Variants in DOP1A observed in about 807,000 individuals in gnomAD.
DOP1A encodes the protein protein DOP1A.
Under a neutral mutation model 267.6 loss-of-function variants are expected in DOP1A, and 90 were observed. That is an observed-to-expected ratio of 0.34 (90% CI 0.28 to 0.40). The LOEUF is 0.40. DOP1A is among the 10% of genes least tolerant of loss of function. The pLI is 1.00. For synonymous variants in DOP1A, 932 were observed against 999.1 expected, an observed-to-expected ratio of 0.93 and a Z score of 1.27; for missense variants, 2,437 against 2,900.4, an observed-to-expected ratio of 0.84 and a Z score of 3.67.
At chr6:83,091,130 C>T (rs1282857222) in intron 1 of DOP1A, among the ~76,000 whole-genome samples, 2 of 150,890 alleles carry the variant, frequency 1.3e-5, no homozygotes, top group East Asian at 3.9e-4. Context: ...AAAGCTTGTA[C>T]AGGAAAACTC....
chr6:83,132,248 T>C lies in DOP1A; in HGVS notation c.2689T>C (p.Phe897Leu). The change falls in exon 18 of 39, where the codon TTT becomes CTT. Residue 897 changes from phenylalanine (F) to leucine (L), a missense_variant. Coordinates refer to ENST00000349129, the MANE Select transcript of DOP1A (RefSeq NM_015018.4). Reference protein sequence around the residue: ...PQHHQKSVELFYQLHNLVPSS... With the variant: ...PQHHQKSVELLYQLHNLVPSS... ...GCATCACCAGAAGAGTGTGGAACTATTTTATCAATTACATAACTTAGTTCC... is the reference window on the plus strand; with the variant it reads ...GCATCACCAGAAGAGTGTGGAACTACTTTATCAATTACATAACTTAGTTCC... The C allele has an allele frequency of 6.2e-7, 1 of 1,613,916 alleles. No homozygotes were observed. The highest frequency in any genetic ancestry group is 8.5e-7 in the Non-Finnish European group (1 of 1,179,826).
intron 38 of DOP1A, chr6:83,166,281 T>A (rs1362014032): frequency 1.7e-6 from 1 of 582,830 alleles, no homozygotes; most frequent in Non-Finnish European, 3.1e-6. Context: ...TGTAAGAGGA[T>A]CAGCTTCGAT....
chr6:83,145,680 CAT>C (rs1397165961), intron 25 of DOP1A, 22 bp downstream of exon 25: 1 of 1,604,152 alleles, frequency 6.2e-7, no homozygotes, highest in Non-Finnish European at 8.5e-7. Context: ...CTCTTCTTCA[CAT>C]GTGTTTACAA....
rs73483073 is a variant in DOP1A at position 83,145,471 on chromosome 6, C to T, written c.5542-53C>T. The T allele has an allele frequency of 1.5e-3, 2,128 of 1,395,674 alleles. 25 individuals carry two copies. The African/African-American group carries it at 0.026, about 17-fold the overall frequency. The allele number at this position is 1,395,674 out of a possible 1,614,324, so 86.5% of individuals were successfully genotyped here. Reference sequence around the variant, plus strand: ...CATAAAATACTCTCTTCTGTAACTTCCCCTAAAAGACTTATATACATACAT... The same window carrying T: ...CATAAAATACTCTCTTCTGTAACTTTCCCTAAAAGACTTATATACATACAT... On this transcript the variant is annotated intron_variant, in intron 24 of 38. Coordinates refer to ENST00000349129, the MANE Select transcript of DOP1A (RefSeq NM_015018.4).
At position 83,120,688 on chromosome 6, in the gene DOP1A, G is replaced by T. The variant is rs776134113; in HGVS notation, c.996G>T (p.Met332Ile). The T allele has an allele frequency of 1.5e-5, 24 of 1,572,468 alleles. No homozygotes were observed. In the East Asian group the frequency reaches 5.4e-4, roughly 36 times the overall value. ...TGTACTTTCCTTTTTTAAAGGCAATGGTGGGAATCTTACAAGTGAATGGAT... is the reference window on the plus strand; with the variant it reads ...TGTACTTTCCTTTTTTAAAGGCAATTGTGGGAATCTTACAAGTGAATGGAT... Reference protein sequence around the residue: ...TFSKELLVQAMVGILQVNGFG... With the variant: ...TFSKELLVQAIVGILQVNGFG... Residue 332 changes from methionine (M) to isoleucine (I), a missense_variant, in exon 10 of 39, where the codon ATG (methionine) becomes ATT (isoleucine). Transcript: ENST00000349129.
In DOP1A at chr6:83,113,361, A is replaced by G. The variant is rs1376530190; in HGVS notation, c.720A>G (p.Val240=). ...AVSTSVQDSS[V]LVQRSTLDLI... is the part of the protein sequence containing the mutation. ...GTACTTCAGTGCAGGACTCAAGTGT[A>G]CTTGTACAGAGAAGCACACTGGACC... Residue 240 remains valine, a synonymous_variant, in exon 7 of 39, where the codon GTA becomes GTG. Coordinates refer to ENST00000349129, the MANE Select transcript of DOP1A (RefSeq NM_015018.4). The G allele has an allele frequency of 1.9e-6, 3 of 1,613,768 alleles. No individual in the cohort carries two copies. The highest frequency in any genetic ancestry group is 1.3e-5 in the African/African-American group (1 of 74,924).
At chr6:83,124,506 G>A (rs1359226181) in intron 12 of DOP1A, among the ~76,000 whole-genome samples, 199 bp from the exon 13 acceptor site, 1 of 152,116 alleles carries the variant, frequency 6.6e-6, no homozygotes, top group East Asian at 1.9e-4. Context: ...TACAGGGAGA[G>A]GATCAGCCTA....
rs756258407 is a variant in DOP1A, at chr6:83,120,786, A to T, written c.1094A>T (p.Glu365Val). The T allele has an allele frequency of 6.4e-7, 1 of 1,565,718 alleles. No homozygotes were observed. Among genetic ancestry groups the T allele is most frequent in the Non-Finnish European group, 8.7e-7 (1 of 1,146,312 alleles). Residue 365 changes from glutamate to valine, a missense_variant, in exon 10 of 39, where the codon GAG (glutamate) becomes GTG (valine). Transcript: ENST00000349129. Reference sequence around the variant, plus strand: ...TTAATCAGTTTACTGGACAAACCTGAGCTAGGTAATGTATACTGTCCTAGG... The same window carrying T: ...TTAATCAGTTTACTGGACAAACCTGTGCTAGGTAATGTATACTGTCCTAGG... Reference protein sequence around the residue: ...RILISLLDKPELGPVILEDVL... With the variant: ...RILISLLDKPVLGPVILEDVL...
At chr6:83,083,015 C>T (rs576105574) in intron 1 of DOP1A, among the ~76,000 whole-genome samples, 2 of 152,090 alleles carry the variant, frequency 1.3e-5, no homozygotes, top group South Asian at 4.2e-4. Flanking sequence ...ACCATGTTGG[C>T]CAGGCTGGTC....
In DOP1A at chr6:83,149,151, A is replaced by T. The variant is rs963690066; in HGVS notation, c.5837+288A>T. On this transcript the variant is annotated intron_variant, in intron 27 of 38. Transcript: ENST00000349129. Reference sequence around the variant, plus strand: ...GTGGTGGTGGAGAGTATGGAATGGAAAGGGGAGGGGGTGATGTAGCATGGC... The same window carrying T: ...GTGGTGGTGGAGAGTATGGAATGGATAGGGGAGGGGGTGATGTAGCATGGC... Among the ~76,000 whole-genome samples the T allele has an allele frequency of 1.7e-4, 26 of 152,280 alleles. No homozygotes were observed. In the East Asian group the frequency reaches 1.7e-3, roughly 10 times the overall value.
chr6:83,088,147 C>T (rs987349731), intron 1 of DOP1A, among the ~76,000 whole-genome samples: 1 of 152,092 alleles, frequency 6.6e-6, no homozygotes, highest in African/African-American at 2.4e-5. Flanking sequence ...GTTGGGATTA[C>T]AGGTGTGAGC....
chr6:83,118,938 G>A lies in DOP1A; in HGVS notation c.831G>A (p.Val277=). 6.2e-7 allele frequency: 1 copy of A among 1,613,640 alleles called. No individual in the cohort carries two copies. The highest frequency in any genetic ancestry group is 8.5e-7 in the Non-Finnish European group (1 of 1,179,684). ...TCTTGTCAGCAGCCCTTCATGTAGTGCTAAGGAGGGATATGTCTCTGAATC... is the reference window on the plus strand; with the variant it reads ...TCTTGTCAGCAGCCCTTCATGTAGTACTAAGGAGGGATATGTCTCTGAATC... ...IRILSAALHV[V]LRRDMSLNRR... Residue 277 remains valine, a synonymous_variant, in exon 8 of 39, where the codon GTG becomes GTA. Transcript: ENST00000349129.
chr6:83,135,093 T>G (rs1327503219), intron 19 of DOP1A, among the ~76,000 whole-genome samples: 1 of 152,162 alleles, frequency 6.6e-6, no homozygotes, highest in Non-Finnish European at 1.5e-5. Flanking sequence ...AGTGAGGGAA[T>G]AGAGGTCAGG....
chr6:83,141,435 C>A (rs920744531), intron 23 of DOP1A, among the ~76,000 whole-genome samples: 2 of 152,072 alleles, frequency 1.3e-5, no homozygotes, highest in African/African-American at 4.8e-5. Flanking sequence ...TGCTCCTAGA[C>A]CAGACCACCT....
At chr6:83,114,616 T>TA (rs1393922191) in intron 7 of DOP1A, among the ~76,000 whole-genome samples, 1 of 152,172 alleles carries the variant, frequency 6.6e-6, no homozygotes, top group Non-Finnish European at 1.5e-5. Flanking sequence ...TTCAACATCA[T>TA]TAGGCCCTCA....
chr6:83,142,344 C>T (rs932696236), intron 24 of DOP1A, among the ~76,000 whole-genome samples: 2 of 151,896 alleles, frequency 1.3e-5, no homozygotes, highest in African/African-American at 4.8e-5. Context: ...CCCGTCTCTA[C>T]TAAAAATACA....
At chr6:83,169,461 C>T, downstream of DOP1A, 1 of 966,484 alleles carries the variant, frequency 1.0e-6, no homozygotes, top group Non-Finnish European at 1.5e-6. Context: ...TAATGAAAAC[C>T]TTTTTTCATC....
intron 14 of DOP1A, 35 bp downstream of exon 14, chr6:83,125,230 T>C (rs1384180910): frequency 6.5e-7 from 1 of 1,546,216 alleles, no homozygotes; most frequent in Non-Finnish European, 8.7e-7. Flanking sequence ...TTTAAATGAT[T>C]CTATTTACTT....
chr6:83,137,773 C>T lies in DOP1A; in HGVS notation c.3731C>T (p.Thr1244Ile). 1 of 1,613,780 alleles carries T rather than the reference C, an allele frequency of 6.2e-7. No homozygotes were observed. Among genetic ancestry groups the T allele is most frequent in the South Asian group, 1.1e-5 (1 of 91,064 alleles). The change falls in exon 21 of 39, where the codon ACC (threonine) becomes ATC (isoleucine). Residue 1244 changes from threonine (T) to isoleucine (I), a missense_variant. Around this residue, in one of 9 missense-constraint regions of DOP1A, gnomAD observed 878 missense variants for 992.9 expected, o/e 0.88. Coordinates refer to ENST00000349129, the MANE Select transcript of DOP1A (RefSeq NM_015018.4). ...AGCTCCTCACCTTGTATTTCAGGAA[C>T]CACACACACTCTTCATGACTCTTCT... ...RNSSSPCISGTTHTLHDSSVA... is the reference protein window; with the variant it reads ...RNSSSPCISGITHTLHDSSVA...
Sources: gnomAD v4.1 joint callset for allele counts (sites outside exome capture counted in the v4.1 genomes callset) on GRCh38, gnomAD v4.1.1 for gene constraint, gnomAD v4.1.1 regional missense constraint, MANE v1.5 for transcripts, NCBI Gene and HGNC (gene_info 2026-07-23, HGNC 2026-07-21) for gene names.